The following MYO9A variants were observed in gnomAD, a reference collection of about 807,000 sequenced individuals.
MYO9A encodes myosin IXA.
A neutral mutation model predicts 293.3 loss-of-function variants in MYO9A; 103 were observed. The observed-to-expected ratio is 0.35, with a 90% CI of 0.30 to 0.41. The LOEUF is 0.41. MYO9A is among the 10% of genes least tolerant of loss of function. The pLI is 1.00. For missense variants in MYO9A, 2,685 were observed against 3,033.0 expected (o/e 0.89, Z 2.69); for synonymous variants, 1,001 against 1,035.7 (o/e 0.97, Z 0.64).
rs539457164 is a variant in MYO9A at position 72,101,101 on chromosome 15, G to A, written c.-72+16579C>T. 6.2e-4 allele frequency among the ~76,000 whole-genome samples: 87 copies of A among 140,890 alleles called. 2 individuals carry two copies. The highest frequency in any genetic ancestry group is 4.7e-3 in the South Asian group (20 of 4,274). The allele number at this position is 140,890 out of a possible 152,430, so 92.4% of individuals were successfully genotyped here. A position where few individuals can be genotyped will look rare whatever the true frequency, so the allele number is the denominator to read the frequency against. ...AGCCCCCCGCCAGGCCAGCCGCCCC[G>A]TCCGGGAGGGAGGTCGGGGCATCAG... is the stretch of plus-strand genomic sequence containing the variant. On this transcript the variant is annotated intron_variant, in intron 1 of 41. Coordinates refer to ENST00000356056, the MANE Select transcript of MYO9A (RefSeq NM_006901.4).
rs1596333517 is a variant in MYO9A, at chr15:71,992,006, C to T, written c.1588-769G>A. ...CTGAGTGCAGGTGATCCACCCGCCT[C>T]GGCCTCCCAAAGTGCTGGGATTACA... On this transcript the variant is annotated intron_variant, in intron 10 of 41. Coordinates refer to ENST00000356056, the MANE Select transcript of MYO9A (RefSeq NM_006901.4). Among the ~76,000 whole-genome samples the T allele has an allele frequency of 9.2e-5, 14 of 152,214 alleles. 1 individual carries two copies. In the South Asian group the frequency reaches 2.5e-3, roughly 27 times the overall value.
chr15:71,879,566 A>T (rs947960138), intron 30 of MYO9A, among the ~76,000 whole-genome samples, 155 bp downstream of exon 30: 2 of 152,184 alleles, frequency 1.3e-5, no homozygotes, highest in Non-Finnish European at 2.9e-5. Flanking sequence ...TATCCCTAAA[A>T]CAAAAACCAT....
chr15:72,065,028 T>C (rs2078978444), intron 1 of MYO9A, among the ~76,000 whole-genome samples: 1 of 152,206 alleles, frequency 6.6e-6, no homozygotes, highest in African/African-American at 2.4e-5. Flanking sequence ...AACAGGCTCC[T>C]ATACAATGAT....
chr15:71,925,297 A>G (rs1321173411), intron 18 of MYO9A, among the ~76,000 whole-genome samples: 1 of 150,088 alleles, frequency 6.7e-6, no homozygotes, highest in Non-Finnish European at 1.5e-5. Flanking sequence ...ACGTGTATGT[A>G]CATATATACG....
chr15:71,940,545 A>G (rs1003320253), intron 15 of MYO9A, among the ~76,000 whole-genome samples: 1 of 151,990 alleles, frequency 6.6e-6, no homozygotes, highest in African/African-American at 2.4e-5. Context: ...AAATATTCTG[A>G]AATGAAATTT....
At chr15:72,101,149 C>T (rs1031241718) in intron 1 of MYO9A, among the ~76,000 whole-genome samples, 4 of 143,068 alleles carry the variant, frequency 2.8e-5, no homozygotes, top group African/African-American at 1.0e-4. Context: ...CCAGCCGCCC[C>T]GTCTGGGAGG....
chr15:71,930,903 C>G (rs776157084), intron 18 of MYO9A, among the ~76,000 whole-genome samples: 1 of 152,186 alleles, frequency 6.6e-6, no homozygotes, highest in Admixed American at 6.5e-5. Flanking sequence ...CATATACTTA[C>G]AACTGGCTAT....
At chr15:71,931,594 C>T (rs917811837) in intron 18 of MYO9A, among the ~76,000 whole-genome samples, 4 of 152,106 alleles carry the variant, frequency 2.6e-5, no homozygotes, top group East Asian at 1.9e-4. Context: ...GGATAGTATT[C>T]GGTGTCCTTT....
chr15:71,935,241 C>G, intron 17 of MYO9A, 100 bp downstream of exon 17: 1 of 1,265,354 alleles, frequency 7.9e-7, no homozygotes. Context: ...ATGAAAATAA[C>G]ATTTCACCAT....
At chr15:72,015,021 T>TG (rs529087995) in intron 6 of MYO9A, among the ~76,000 whole-genome samples, 44 of 150,650 alleles carry the variant, frequency 2.9e-4, no homozygotes, top group Non-Finnish European at 5.9e-4. Context: ...TTTTTTTTTT[T>TG]TTTTTTTGGT....
At chr15:72,088,290 T>C (rs937399529) in intron 1 of MYO9A, among the ~76,000 whole-genome samples, 1 of 152,252 alleles carries the variant, frequency 6.6e-6, no homozygotes, top group Non-Finnish European at 1.5e-5. Flanking sequence ...TGTTTTATAA[T>C]AAACTCTATA....
chr15:72,101,487 G>A (rs2080319055), intron 1 of MYO9A, among the ~76,000 whole-genome samples: 1 of 116,530 alleles, frequency 8.6e-6, no homozygotes, highest in Non-Finnish European at 1.8e-5. Context: ...CCCCCGCCCG[G>A]CCAGCCGCCC....
At chr15:71,842,089 T>G (rs12372981) in intron 39 of MYO9A, among the ~76,000 whole-genome samples, 9 of 150,422 alleles carry the variant, frequency 6.0e-5, no homozygotes, top group African/African-American at 2.0e-4. Context: ...TTAACTCATT[T>G]AGACTGGGCA....
chr15:72,108,289 C>T (rs567932947), intron 1 of MYO9A, among the ~76,000 whole-genome samples: 1 of 152,312 alleles, frequency 6.6e-6, no homozygotes, highest in South Asian at 2.1e-4. Context: ...CCCATTAACA[C>T]ACAACATGAT....
At chr15:71,985,377 G>A (rs1412220416) in intron 11 of MYO9A, among the ~76,000 whole-genome samples, 1 of 152,166 alleles carries the variant, frequency 6.6e-6, no homozygotes. Flanking sequence ...TTCTTCTGGT[G>A]GAGATTGTAT....
chr15:71,917,155 T>C (rs1389552949), intron 18 of MYO9A, among the ~76,000 whole-genome samples: 1 of 152,214 alleles, frequency 6.6e-6, no homozygotes, highest in African/African-American at 2.4e-5. Context: ...CTTAAAAATA[T>C]CTACTGTAAT....
At chr15:72,068,551 G>T (rs1193787907) in intron 1 of MYO9A, among the ~76,000 whole-genome samples, 1 of 150,016 alleles carries the variant, frequency 6.7e-6, no homozygotes, top group African/African-American at 2.5e-5. Context: ...CTGCAGCCTT[G>T]ATCTTCCTGG....
intron 11 of MYO9A, among the ~76,000 whole-genome samples, chr15:71,987,899 T>A (rs1389657420): frequency 6.6e-6 from 1 of 152,154 alleles, no homozygotes; most frequent in Non-Finnish European, 1.5e-5. Flanking sequence ...TTGCACCACA[T>A]TGCCCAAAAT....
intron 29 of MYO9A, 49 bp downstream of exon 29, chr15:71,880,286 T>C: frequency 6.8e-7 from 1 of 1,478,978 alleles, no homozygotes; most frequent in Non-Finnish European, 9.4e-7. Context: ...TACACAAGTA[T>C]TCCATACACA....
Sources: allele counts gnomAD v4.1 joint callset (sites outside exome capture counted in the v4.1 genomes callset), GRCh38; gene constraint gnomAD v4.1.1; transcripts MANE v1.5; gene names NCBI Gene and HGNC (gene_info 2026-07-23, HGNC 2026-07-21).